XIRP1: variants seen among roughly 807,000 people sequenced by gnomAD.
XIRP1 encodes xin actin-binding repeat-containing protein 1.
For missense variants in XIRP1, 2,378 were observed against 2,345.4 expected (o/e 1.01, Z -0.29); for synonymous variants, 984 against 947.0 (o/e 1.04, Z -0.72).
Position 39,189,313 on chromosome 3 carries a change from A to G in XIRP1, c.133T>C (p.Phe45Leu). ...LPPPKESFSK[F>L]HQQRQASELR... ...TCACTAGCTTGCCGCTGCTGATGGA[A>G]CTTGGAGAAGGATTCCTTGGGTGGC... Residue 45 changes from phenylalanine to leucine, a missense_variant, in exon 2 of 2, where the codon TTC (phenylalanine) becomes CTC (leucine). Physicochemically the swap from Phe to Leu is conservative, Grantham distance 22. Transcript: ENST00000340369. 4 of 1,611,860 alleles carry G rather than the reference A, an allele frequency of 2.5e-6. No individual in the cohort carries two copies. Among genetic ancestry groups the G allele is most frequent in the Non-Finnish European group, 3.4e-6 (4 of 1,179,382 alleles).
At position 39,186,836 on chromosome 3, in the gene XIRP1, A is replaced by G; in HGVS notation, c.2610T>C (p.Asn870=). 1.2e-6 allele frequency: 2 copies of G among 1,613,716 alleles called. No homozygotes were observed. Among genetic ancestry groups the G allele is most frequent in the South Asian group, 2.2e-5 (2 of 91,072 alleles). ...GGAGCTCAGGGTCCATGTCTTCAAT[A>G]TTCCCACTGCTGCCTGGAGTTGGCA... ...LRLPTPGSSG[N]IEDMDPELQQ... Residue 870 remains asparagine (N), a synonymous_variant, in exon 2 of 2, where the codon AAT becomes AAC. Transcript: ENST00000340369.
Position 39,185,934 on chromosome 3 carries a change from G to A in XIRP1, c.3512C>T (p.Thr1171Ile). 1 of 1,613,982 alleles carries A rather than the reference G, an allele frequency of 6.2e-7. No individual in the cohort carries two copies. Among genetic ancestry groups the A allele is most frequent in the Non-Finnish European group, 8.5e-7 (1 of 1,179,930 alleles). The part of the protein sequence containing the change: ...QREPQSRHRE[T>I]ALSVQAPRPL... ...GCGGGGAGCCTGGACTGAGAGGGCA[G>A]TCTCCCTGTGCCTTGACTGGGGTTC... The change falls in exon 2 of 2, where the codon ACT becomes ATT. Residue 1171 changes from threonine (T) to isoleucine (I), a missense_variant. Coordinates refer to ENST00000340369, the MANE Select transcript of XIRP1 (RefSeq NM_194293.4).
At position 39,184,742 on chromosome 3, in the gene XIRP1, G is replaced by A. The variant is rs1247752530; in HGVS notation, c.4704C>T (p.Ala1568=). The change falls in exon 2 of 2, where the codon GCC becomes GCT. Residue 1568 remains alanine, a synonymous_variant. Transcript: ENST00000340369. ...GTCCCTGGAAATGGCCTCTGGCACT[G>A]GCCTCAGGCTGGAGGCTAGACATGG... The part of the protein sequence containing the change: ...LSSMSSLQPE[A]SARGHFQGPP... 1 of 1,614,118 alleles carries A rather than the reference G, an allele frequency of 6.2e-7. No homozygotes were observed. The highest frequency in any genetic ancestry group is 8.5e-7 in the Non-Finnish European group (1 of 1,180,046).
At position 39,186,906 on chromosome 3, in the gene XIRP1, A is replaced by T. The variant is rs2039989033; in HGVS notation, c.2540T>A (p.Val847Glu). The T allele has an allele frequency of 1.2e-6, 2 of 1,613,912 alleles. No individual in the cohort carries two copies. Among genetic ancestry groups the T allele is most frequent in the Non-Finnish European group, 1.7e-6 (2 of 1,179,918 alleles). Residue 847 changes from valine (V) to glutamate (E), a missense_variant, in exon 2 of 2, where the codon GTG (valine) becomes GAG (glutamate). By Grantham distance (121) the Val-to-Glu change is moderately radical. Coordinates refer to ENST00000340369, the MANE Select transcript of XIRP1 (RefSeq NM_194293.4). ...RPDVDQQGLL[V>E]QEDPTGQLQL... ...GAGCTGGCCAGTTGGGTCTTCCTGC[A>T]CCAGCAGCCCCTGCTGGTCCACATC...
intron 1 of XIRP1, among the ~76,000 whole-genome samples, chr3:39,190,110 T>C (rs147391134): frequency 6.6e-6 from 1 of 152,318 alleles, no homozygotes; most frequent in Non-Finnish European, 1.5e-5. Context: ...GCGGAAGCAG[T>C]TGAGAATCAG....
In XIRP1 at chr3:39,187,389, A is replaced by G; in HGVS notation, c.2057T>C (p.Val686Ala). 2 of 1,614,154 alleles carry G rather than the reference A, an allele frequency of 1.2e-6. No individual in the cohort carries two copies. Among genetic ancestry groups the G allele is most frequent in the Non-Finnish European group, 1.7e-6 (2 of 1,180,012 alleles). The change falls in exon 2 of 2, where the codon GTG (valine) becomes GCG (alanine). Residue 686 changes from valine (V) to alanine (A), a missense_variant. Physicochemically the swap from Val to Ala is moderately conservative, Grantham distance 64 (BLOSUM62 0). Coordinates refer to ENST00000340369, the MANE Select transcript of XIRP1 (RefSeq NM_194293.4). ...GRRPVRYCSR[V>A]EIPSGQVSRQ... is the part of the protein sequence containing the mutation. ...AGACACCTGCCCTGAAGGGATCTCC[A>G]CGCGGCTGCAGTATCTCACAGGCCG...
At chr3:39,191,783 G>A (rs1464515948) in intron 1 of XIRP1, among the ~76,000 whole-genome samples, 1 of 152,198 alleles carries the variant, frequency 6.6e-6, no homozygotes, top group Non-Finnish European at 1.5e-5. Flanking sequence ...GGCTCCATAT[G>A]TCTTTACATC....
rs772152994 is a variant in XIRP1, at chr3:39,184,456, G to C, written c.4990C>G (p.Arg1664Gly). 1 of 1,614,170 alleles carries C rather than the reference G, an allele frequency of 6.2e-7. No homozygotes were observed. The highest frequency in any genetic ancestry group is 8.5e-7 in the Non-Finnish European group (1 of 1,180,042). The change falls in exon 2 of 2, where the codon CGA (arginine) becomes GGA (glycine). Residue 1664 changes from arginine (R) to glycine (G), a missense_variant. Arg to Gly is a moderately radical substitution (Grantham distance 125). Transcript: ENST00000340369. ...AATGTTGGGGAGGAGGGAGAATCTC[G>C]GCTGGAAGGTAAAACCCGAGGAGGG... The part of the protein sequence containing the change: ...LCPPRVLPSS[R>G]DSPSSPTFIS...
rs779929171 is a variant in XIRP1 at position 39,187,315 on chromosome 3, G to GT, written c.2130dup (p.Gln711ThrfsTer23). ...GACCCAGCGATTACCCGGGGCTCCT[G>GT]TTCTTCCTTCTTGCCTGCCTCCAGG... On this transcript the variant is annotated frameshift_variant, in exon 2 of 2. Coordinates refer to ENST00000340369, the MANE Select transcript of XIRP1 (RefSeq NM_194293.4). LOFTEE classifies it low-confidence loss of function (END_TRUNC). 1.3e-6 allele frequency: 2 copies of GT among 1,595,724 alleles called. No individual in the cohort carries two copies. Among genetic ancestry groups the GT allele is most frequent in the Non-Finnish European group, 1.7e-6 (2 of 1,170,282 alleles).
chr3:39,184,338 T>C lies in XIRP1; in HGVS notation c.5108A>G (p.Gln1703Arg). Residue 1703 changes from glutamine (Q) to arginine (R), a missense_variant, in exon 2 of 2, where the codon CAG becomes CGG. Physicochemically the swap from Gln to Arg is conservative, Grantham distance 43. Transcript: ENST00000340369. ...DVSVKSTQLA[Q>R]DIGQALLHQK... ...GTGGAGCAGGGCCTGGCCTATGTCC[T>C]GAGCCAGTTGTGTGCTTTTCACTGA... is the stretch of plus-strand genomic sequence containing the variant. The C allele has an allele frequency of 1.2e-6, 2 of 1,614,226 alleles. No homozygotes were observed. The highest frequency in any genetic ancestry group is 8.5e-7 in the Non-Finnish European group (1 of 1,180,042).
At chr3:39,191,978 A>T (rs960899584) in intron 1 of XIRP1, among the ~76,000 whole-genome samples, 1 of 152,188 alleles carries the variant, frequency 6.6e-6, no homozygotes, top group South Asian at 2.1e-4. Context: ...ATATGCCAAG[A>T]GTGTCATCCA....
chr3:39,189,307 G>GA lies in XIRP1; in HGVS notation c.138dup (p.Gln47SerfsTer6). The GA allele has an allele frequency of 6.4e-7, 1 of 1,563,670 alleles. No homozygotes were observed. Among genetic ancestry groups the GA allele is most frequent in the Admixed American group, 1.7e-5 (1 of 58,494 alleles). ...CGGAGCTCACTAGCTTGCCGCTGCTGATGGAACTTGGAGAAGGATTCCTTG... is the reference window on the plus strand; with the variant it reads ...CGGAGCTCACTAGCTTGCCGCTGCTGAATGGAACTTGGAGAAGGATTCCTTG... On this transcript the variant is annotated frameshift_variant, in exon 2 of 2. Transcript: ENST00000340369. LOFTEE classifies it low-confidence loss of function (END_TRUNC).
rs745447707 is a variant in XIRP1 at position 39,187,484 on chromosome 3, C to G, written c.1962G>C (p.Gly654=). 1 of 1,613,944 alleles carries G rather than the reference C, an allele frequency of 6.2e-7. No homozygotes were observed. Among genetic ancestry groups the G allele is most frequent in the African/African-American group, 1.3e-5 (1 of 74,950 alleles). ...QHLQVSQVPA[G]ERQTDRHVFE... ...AGACGTGTCTGTCTGTCTGTCTTTC[C>G]CCAGCCGGGACCTGGCTAACCTGCA... The change falls in exon 2 of 2, where the codon GGG becomes GGC. Residue 654 remains glycine, a synonymous_variant. Transcript: ENST00000340369.
Position 39,187,756 on chromosome 3 carries a change from G to C in XIRP1, c.1690C>G (p.Gln564Glu). 3.1e-6 allele frequency: 5 copies of C among 1,614,130 alleles called. No individual in the cohort carries two copies. The highest frequency in any genetic ancestry group is 4.2e-6 in the Non-Finnish European group (5 of 1,180,044). The change falls in exon 2 of 2, where the codon CAA becomes GAA. Residue 564 changes from glutamine (Q) to glutamate (E), a missense_variant. Physicochemically the swap from Gln to Glu is conservative, Grantham distance 29. Coordinates refer to ENST00000340369, the MANE Select transcript of XIRP1 (RefSeq NM_194293.4). ...FETQPLEMIH[Q>E]REQQERQKEE... ...TTCTGTCGTTCCTGCTGCTCCCGTT[G>C]GTGGATCATCTCCAGGGGCTGGGTC...
At position 39,187,274 on chromosome 3, in the gene XIRP1, A is replaced by G. The variant is rs1421621632; in HGVS notation, c.2172T>C (p.Ser724=). The G allele has an allele frequency of 6.3e-7, 1 of 1,583,974 alleles. No homozygotes were observed. The highest frequency in any genetic ancestry group is 8.6e-7 in the Non-Finnish European group (1 of 1,162,688). The change falls in exon 2 of 2, where the codon TCT becomes TCC. Residue 724 remains serine (S), a synonymous_variant. Transcript: ENST00000340369. ...RVIAGSIPAG[S]VHKFTWLFEN... is the part of the protein sequence containing the mutation. Reference sequence around the variant, plus strand: ...CAAAAAGCCAAGTGAACTTGTGGACAGAACCCGCGGGGATGGACCCAGCGA... The same window carrying G: ...CAAAAAGCCAAGTGAACTTGTGGACGGAACCCGCGGGGATGGACCCAGCGA...
At chr3:39,189,937 G>A (rs747737941) in intron 1 of XIRP1, among the ~76,000 whole-genome samples, 10 of 152,158 alleles carry the variant, frequency 6.6e-5, no homozygotes, top group Non-Finnish European at 1.2e-4. Context: ...CTCTAAACTG[G>A]TGACTGATTT....
At position 39,189,013 on chromosome 3, in the gene XIRP1, TG is replaced by T. The variant is rs769178411; in HGVS notation, c.432del (p.Arg145GlyfsTer24). 1.2e-6 allele frequency: 2 copies of T among 1,613,926 alleles called. No homozygotes were observed. Among genetic ancestry groups the T allele is most frequent in the African/African-American group, 2.7e-5 (2 of 74,952 alleles). ...ACGTCTCCTCCACCTGGCTGGGGCC[TG>T]GTTGGCTCCTGGTCTGTGCTGTTGG... ...SFANSTDQEP[T>X]RPQPGGGDVR... On this transcript the variant is annotated frameshift_variant, in exon 2 of 2. Transcript: ENST00000340369. LOFTEE classifies it low-confidence loss of function (END_TRUNC).
Position 39,186,731 on chromosome 3 carries a change from G to C in XIRP1, c.2715C>G (p.Val905=). ...GCTGCAGAGAGTAGGCAGTCAGTGCGACCAGGCCCTGCTCTGTCTCCTGCA... is the reference window on the plus strand; with the variant it reads ...GCTGCAGAGAGTAGGCAGTCAGTGCCACCAGGCCCTGCTCTGTCTCCTGCA... ...LVMQETEQGL[V]ALTAYSLQPR... The change falls in exon 2 of 2, where the codon GTC becomes GTG. Residue 905 remains valine, a synonymous_variant. Coordinates refer to ENST00000340369, the MANE Select transcript of XIRP1 (RefSeq NM_194293.4). 3 of 1,613,964 alleles carry C rather than the reference G, an allele frequency of 1.9e-6. No homozygotes were observed. The highest frequency in any genetic ancestry group is 2.2e-5 in the South Asian group (2 of 91,078).
chr3:39,187,338 A>G lies in XIRP1; in HGVS notation c.2108T>C (p.Leu703Pro). The G allele has an allele frequency of 1.2e-6, 2 of 1,604,636 alleles. No individual in the cohort carries two copies. Among genetic ancestry groups the G allele is most frequent in the African/African-American group, 1.3e-5 (1 of 74,620 alleles). Residue 703 changes from leucine (L) to proline (P), a missense_variant, in exon 2 of 2, where the codon CTG becomes CCG. Leu to Pro is a moderately conservative substitution (Grantham distance 98, BLOSUM62 -3). Transcript: ENST00000340369. The stretch of plus-strand genomic sequence containing the variant: ...CTGTTCTTCCTTCTTGCCTGCCTCC[A>G]GGGCCTGAAAAACCTCTTTCTGACG... ...VSRQKEVFQA[L>P]EAGKKEEQEP... is the part of the protein sequence containing the mutation.
Sources: allele counts gnomAD v4.1 joint callset (sites outside exome capture counted in the v4.1 genomes callset), GRCh38; gene constraint gnomAD v4.1.1; transcripts MANE v1.5; gene names NCBI Gene and HGNC (gene_info 2026-07-23, HGNC 2026-07-21).